The following MAF variants were observed in gnomAD, a reference collection of about 807,000 sequenced individuals.
The protein encoded by MAF is MAF bZIP transcription factor.
A neutral mutation model predicts 22.0 loss-of-function variants in MAF; 10 were observed. The observed-to-expected ratio is 0.45, with a 90% CI of 0.28 to 0.77. MAF has a LOEUF of 0.77. Ranked by LOEUF, MAF falls within the 30% of genes least tolerant of loss-of-function variation. The pLI is 0.12. For missense variants in MAF, 544 were observed against 548.4 expected, an observed-to-expected ratio of 0.99 and a Z score of 0.08; for synonymous variants, 337 against 255.8, an observed-to-expected ratio of 1.32 and a Z score of -3.03.
chr16:79,522,088 G>A, the MAF span, among the ~76,000 whole-genome samples: 3 of 152,136 alleles, frequency 2.0e-5, no homozygotes, highest in Non-Finnish European at 4.4e-5. Flanking sequence ...TGTGTAGGGG[G>A]ATAGAGACAG....
the MAF span, among the ~76,000 whole-genome samples, chr16:79,384,377 A>C: frequency 6.7e-6 from 1 of 148,954 alleles, no homozygotes; most frequent in South Asian, 2.2e-4. Flanking sequence ...CCTGGGAGGC[A>C]GAGGTTGCAG....
At chr16:79,244,228 A>G in the MAF span, among the ~76,000 whole-genome samples, 1 of 152,016 alleles carries the variant, frequency 6.6e-6, no homozygotes, top group Non-Finnish European at 1.5e-5. Context: ...CAATCAGACA[A>G]GAGAAAGAAA....
chr16:79,292,596 C>T, the MAF span, among the ~76,000 whole-genome samples: 27 of 152,228 alleles, frequency 1.8e-4, 1 homozygote, highest in Middle Eastern at 6.8e-3. Context: ...GGCATTTGAA[C>T]CAGGCAACTC....
At chr16:79,380,324 T>C in the MAF span, among the ~76,000 whole-genome samples, 208 of 152,312 alleles carry the variant, frequency 1.4e-3, 1 homozygote, top group African/African-American at 4.6e-3. Context: ...TCAAGGGCAG[T>C]TGTGAATATT....
At chr16:79,508,208 C>G in the MAF span, among the ~76,000 whole-genome samples, 1 of 152,158 alleles carries the variant, frequency 6.6e-6, no homozygotes, top group African/African-American at 2.4e-5. Flanking sequence ...ACTGTGCTCC[C>G]TTGCTCAAAT....
chr16:79,229,728 A>G, the MAF span, among the ~76,000 whole-genome samples: 449 of 152,128 alleles, frequency 3.0e-3, 9 homozygotes, highest in Admixed American at 0.023. Flanking sequence ...TGCACCGAGC[A>G]AAGCGCCTGC....
chr16:79,537,326 C>T, the MAF span, among the ~76,000 whole-genome samples: 2 of 152,152 alleles, frequency 1.3e-5, no homozygotes, highest in African/African-American at 4.8e-5. Flanking sequence ...TCATCATTAG[C>T]CTCTAATAGT....
At chr16:79,291,924 C>G in the MAF span, among the ~76,000 whole-genome samples, 20 of 151,202 alleles carry the variant, frequency 1.3e-4, no homozygotes, top group East Asian at 3.7e-3. Context: ...CTGCAGAGAA[C>G]TGGATGGTTC....
the MAF span, among the ~76,000 whole-genome samples, chr16:79,551,432 G>C: frequency 6.6e-6 from 1 of 152,152 alleles, no homozygotes; most frequent in African/African-American, 2.4e-5. Context: ...AGCAATACAG[G>C]CATAACCAAG....
At chr16:79,260,913 C>T in the MAF span, among the ~76,000 whole-genome samples, 1 of 152,034 alleles carries the variant, frequency 6.6e-6, no homozygotes, top group Non-Finnish European at 1.5e-5. Flanking sequence ...ATAGCACACC[C>T]AAGACAGATA....
chr16:79,391,436 G>T, the MAF span, among the ~76,000 whole-genome samples: 1 of 152,198 alleles, frequency 6.6e-6, no homozygotes, highest in East Asian at 1.9e-4. Flanking sequence ...TCCACGAGAA[G>T]TGCCTGCTTG....
At chr16:79,428,849 A>AAAAAAATAAT in the MAF span, among the ~76,000 whole-genome samples, 1 of 146,596 alleles carries the variant, frequency 6.8e-6, no homozygotes, top group Non-Finnish European at 1.5e-5. Context: ...TGTCTCAGAA[A>AAAAAAATAAT]AATAATAATA....
the MAF span, among the ~76,000 whole-genome samples, chr16:79,214,900 G>C: frequency 6.6e-6 from 1 of 150,922 alleles, no homozygotes; most frequent in Middle Eastern, 3.5e-3. Flanking sequence ...CAGTCGAGAT[G>C]GGTTTGACCA....
At chr16:79,432,694 G>A in the MAF span, among the ~76,000 whole-genome samples, 2 of 152,086 alleles carry the variant, frequency 1.3e-5, no homozygotes, top group Non-Finnish European at 2.9e-5. Context: ...GAGTAGGATG[G>A]CCCCTAATCC....
the MAF span, among the ~76,000 whole-genome samples, chr16:79,257,776 A>G: frequency 1.3e-5 from 2 of 152,046 alleles, no homozygotes; most frequent in South Asian, 2.1e-4. Context: ...ATCATGTTCA[A>G]GAAGAACACT....
At chr16:79,533,396 T>A in the MAF span, among the ~76,000 whole-genome samples, 195 of 152,308 alleles carry the variant, frequency 1.3e-3, no homozygotes, top group Non-Finnish European at 2.4e-3. Context: ...ATTCTTGGAC[T>A]ATAAAAATAT....
the MAF span, among the ~76,000 whole-genome samples, chr16:79,468,410 G>A: frequency 6.6e-6 from 1 of 152,216 alleles, no homozygotes; most frequent in African/African-American, 2.4e-5. Flanking sequence ...CACTTGGGGT[G>A]TCCTCATGGC....
At chr16:79,329,163 G>C in the MAF span, among the ~76,000 whole-genome samples, 45 of 151,938 alleles carry the variant, frequency 3.0e-4, no homozygotes, top group African/African-American at 1.0e-3. Flanking sequence ...GAAACACCAG[G>C]GCACATTAGG....
At chr16:79,323,384 TG>T in the MAF span, among the ~76,000 whole-genome samples, 1 of 151,950 alleles carries the variant, frequency 6.6e-6, no homozygotes, top group Admixed American at 6.6e-5. Flanking sequence ...GGAATTATTA[TG>T]GGTTGTTTTT....
Sources: allele counts gnomAD v4.1 joint callset (sites outside exome capture counted in the v4.1 genomes callset), GRCh38; gene constraint gnomAD v4.1.1; transcripts MANE v1.5; gene names NCBI Gene and HGNC (gene_info 2026-07-23, HGNC 2026-07-21).